ATP6V1H: variants seen among roughly 807,000 people sequenced by gnomAD.
The protein encoded by ATP6V1H is ATPase H+ transporting V1 subunit H.
Under a neutral mutation model 71.7 loss-of-function variants are expected in ATP6V1H, and 39 were observed. The ratio of observed to expected loss-of-function variants is 0.54; its 90% CI spans 0.42 to 0.71. The LOEUF (loss-of-function observed/expected upper bound fraction) is 0.71, where lower values mean the gene tolerates loss of function less well. Ranked by LOEUF, ATP6V1H falls within the 30% of genes least tolerant of loss-of-function variation. The pLI, the probability that ATP6V1H is intolerant of heterozygous loss-of-function variation, is 0.00. For synonymous variants in ATP6V1H, 192 were observed against 199.3 expected, an observed-to-expected ratio of 0.96 and a Z score of 0.31; for missense variants, 509 against 594.9, an observed-to-expected ratio of 0.86 and a Z score of 1.50.
chr8:53,828,982 T>C (rs1810909567), intron 4 of ATP6V1H, among the ~76,000 whole-genome samples: 1 of 152,156 alleles, frequency 6.6e-6, no homozygotes, highest in African/African-American at 2.4e-5. Flanking sequence ...AAACAGAAAC[T>C]GTATGCAACT....
chr8:53,829,796 A>G (rs762622120), intron 3 of ATP6V1H, among the ~76,000 whole-genome samples: 8 of 152,204 alleles, frequency 5.3e-5, no homozygotes, highest in Non-Finnish European at 1.2e-4. Flanking sequence ...AGCCACTAAT[A>G]ACTCTTGATT....
chr8:53,749,333 T>G (rs1585742984), intron 12 of ATP6V1H, among the ~76,000 whole-genome samples: 1 of 152,338 alleles, frequency 6.6e-6, no homozygotes, highest in South Asian at 2.1e-4. Flanking sequence ...CAAAATAATT[T>G]ATTGAAAGGT....
At chr8:53,837,349 G>GT (rs1003696602) in intron 2 of ATP6V1H, among the ~76,000 whole-genome samples, 15 of 152,172 alleles carry the variant, frequency 9.9e-5, no homozygotes, top group African/African-American at 3.6e-4. Flanking sequence ...CCAGGCACCT[G>GT]TAAGAACAGT....
intron 13 of ATP6V1H, among the ~76,000 whole-genome samples, chr8:53,721,276 A>G (rs948762849): frequency 2.0e-5 from 3 of 152,294 alleles, no homozygotes; most frequent in Non-Finnish European, 4.4e-5. Flanking sequence ...TATGAACTGA[A>G]AAAAAACAAA....
chr8:53,726,850 T>C lies in ATP6V1H; in HGVS notation c.1392-10826A>G, dbSNP rs58960877. 2.6e-3 allele frequency among the ~76,000 whole-genome samples: 402 copies of C among 152,272 alleles called. 1 individual carries two copies. Among genetic ancestry groups the C allele is most frequent in the African/African-American group, 9.1e-3 (376 of 41,542 alleles). ...GAAAGACCAGGGAATACTCTGACCA[T>C]GTTTAAAGAATGGCTCTGCTTCGTC... On this transcript the variant is annotated intron_variant, in intron 13 of 13. Transcript: ENST00000359530.
At chr8:53,721,988 T>C (rs189717137) in intron 13 of ATP6V1H, among the ~76,000 whole-genome samples, 16 of 152,306 alleles carry the variant, frequency 1.1e-4, no homozygotes, top group Admixed American at 1.0e-3. Context: ...GAAACAAAAA[T>C]GTACATTTTA....
At chr8:53,731,136 A>G (rs1807005370) in intron 13 of ATP6V1H, among the ~76,000 whole-genome samples, 1 of 152,094 alleles carries the variant, frequency 6.6e-6, no homozygotes, top group Admixed American at 6.6e-5. Context: ...GCAGGCTCAC[A>G]GGGTGCCTTT....
At chr8:53,835,956 C>T (rs1811145517) in intron 2 of ATP6V1H, among the ~76,000 whole-genome samples, 1 of 152,158 alleles carries the variant, frequency 6.6e-6, no homozygotes, top group African/African-American at 2.4e-5. Flanking sequence ...TCATATCCTC[C>T]CACAGATGGC....
chr8:53,769,984 A>G (rs1192383165), intron 10 of ATP6V1H, among the ~76,000 whole-genome samples: 1 of 152,174 alleles, frequency 6.6e-6, no homozygotes, highest in African/African-American at 2.4e-5. Context: ...GGTATGAGAC[A>G]TAAAAATCAG....
intron 10 of ATP6V1H, 49 bp from the exon 11 acceptor site, chr8:53,769,792 C>A: frequency 2.0e-6 from 3 of 1,482,934 alleles, no homozygotes; most frequent in Non-Finnish European, 1.8e-6. Context: ...TCTGACAGTA[C>A]TCCAAAATTA....
At chr8:53,755,690 A>G (rs1272355244) in intron 12 of ATP6V1H, among the ~76,000 whole-genome samples, 3 of 828 alleles carry the variant, frequency 3.6e-3, no homozygotes, top group Admixed American at 0.025. Context: ...GCGTACATAT[A>G]TATATATATA....
chr8:53,841,589 T>C lies in ATP6V1H; in HGVS notation c.102A>G (p.Gln34=), dbSNP rs780902939. The stretch of plus-strand genomic sequence containing the variant: ...AAATTGGTACTTACTGAAGATAGGA[T>C]TGCCAGTTGACTTTGTTTGCACGAA... ...AEVRANKVNW[Q]SYLQGQMISA... Residue 34 remains glutamine, a synonymous_variant, in exon 2 of 14, where the codon CAA becomes CAG. Transcript: ENST00000359530. 64 of 1,613,976 alleles carry C rather than the reference T, an allele frequency of 4.0e-5. 1 individual carries two copies. The highest frequency in any genetic ancestry group is 3.3e-4 in the Middle Eastern group (2 of 6,084).
chr8:53,794,452 G>A (rs748031936), intron 9 of ATP6V1H, among the ~76,000 whole-genome samples: 2 of 151,982 alleles, frequency 1.3e-5, no homozygotes, highest in Non-Finnish European at 2.9e-5. Context: ...TGCAACCTCC[G>A]ACTCCCTGGT....
At chr8:53,724,522 G>T (rs1806736376) in intron 13 of ATP6V1H, among the ~76,000 whole-genome samples, 1 of 151,678 alleles carries the variant, frequency 6.6e-6, no homozygotes, top group African/African-American at 2.4e-5. Context: ...ATATAAGATG[G>T]AAGTGTTGAG....
At chr8:53,785,674 C>T (rs1188647437) in intron 9 of ATP6V1H, among the ~76,000 whole-genome samples, 1 of 152,042 alleles carries the variant, frequency 6.6e-6, no homozygotes, top group Non-Finnish European at 1.5e-5. Context: ...TGGTTTTATC[C>T]ACCTTTGGTC....
intron 13 of ATP6V1H, among the ~76,000 whole-genome samples, chr8:53,720,058 T>C (rs1450925543): frequency 6.6e-6 from 1 of 152,222 alleles, no homozygotes; most frequent in Non-Finnish European, 1.5e-5. Flanking sequence ...AATCTGGGTA[T>C]TGAGTCATCC....
At chr8:53,754,433 G>A (rs755313006) in intron 12 of ATP6V1H, among the ~76,000 whole-genome samples, 3 of 152,062 alleles carry the variant, frequency 2.0e-5, no homozygotes, top group African/African-American at 7.2e-5. Context: ...AAGACTCCAA[G>A]CACCAGGATA....
At chr8:53,778,322 TTTTC>T (rs1217051282) in intron 9 of ATP6V1H, among the ~76,000 whole-genome samples, 1 of 152,204 alleles carries the variant, frequency 6.6e-6, no homozygotes, top group African/African-American at 2.4e-5. Context: ...AACATTTATC[TTTTC>T]TTTATGTTGG....
At chr8:53,751,642 C>T (rs1160463551) in intron 12 of ATP6V1H, among the ~76,000 whole-genome samples, 8 of 151,494 alleles carry the variant, frequency 5.3e-5, no homozygotes, top group African/African-American at 1.9e-4. Context: ...AGGAGACAGA[C>T]TTTTACTGAT....
Sources: gnomAD v4.1 joint callset for allele counts (sites outside exome capture counted in the v4.1 genomes callset) on GRCh38, gnomAD v4.1.1 for gene constraint, MANE v1.5 for transcripts, NCBI Gene and HGNC (gene_info 2026-07-23, HGNC 2026-07-21) for gene names.